The following NXPE2 variants were observed in gnomAD, a reference collection of about 807,000 sequenced individuals.
NXPE2 encodes the protein neurexophilin and PC-esterase domain family member 2, also known as NXPE family member 2.
Under a neutral mutation model 34.4 loss-of-function variants are expected in NXPE2, and 34 were observed. The ratio of observed to expected loss-of-function variants is 0.99; its 90% CI spans 0.75 to 1.31. The LOEUF is 1.31. Among genes scored for constraint, NXPE2 ranks in the 40% most tolerant of loss-of-function variants. The probability of loss-of-function intolerance (pLI) is 0.00; values close to 1 mark genes in which losing one functional copy is unlikely to be tolerated. For missense variants in NXPE2, 649 were observed against 672.5 expected (o/e 0.97, Z 0.39); for synonymous variants, 235 against 231.3 (o/e 1.02, Z -0.15).
chr11:114,718,064 G>T, the NXPE2 span, among the ~76,000 whole-genome samples: 1 of 152,090 alleles, frequency 6.6e-6, no homozygotes, highest in African/African-American at 2.4e-5. Flanking sequence ...AGTCTATAGA[G>T]CAACTCAATA....
the NXPE2 span, among the ~76,000 whole-genome samples, chr11:114,612,167 A>G: frequency 2.0e-5 from 3 of 151,944 alleles, no homozygotes; most frequent in Non-Finnish European, 4.4e-5. Context: ...CCAGTGGATA[A>G]TAAGTGTTGC....
At chr11:114,810,633 A>G in the NXPE2 span, among the ~76,000 whole-genome samples, 6 of 151,938 alleles carry the variant, frequency 3.9e-5, no homozygotes, top group Non-Finnish European at 7.4e-5. Flanking sequence ...CAAAACCACA[A>G]TGAGATACCA....
At chr11:114,534,867 A>T in the NXPE2 span, among the ~76,000 whole-genome samples, 1 of 152,242 alleles carries the variant, frequency 6.6e-6, no homozygotes, top group Non-Finnish European at 1.5e-5. Flanking sequence ...GCAGGATATT[A>T]TCCAGGAGAA....
At chr11:114,685,078 A>G (rs571027018) in intron 2 of NXPE2, among the ~76,000 whole-genome samples, 2 of 152,316 alleles carry the variant, frequency 1.3e-5, no homozygotes, top group Admixed American at 1.3e-4. Flanking sequence ...AATTGGTGAT[A>G]GTTGGTCAGA....
At chr11:114,498,795 A>G in the NXPE2 span, among the ~76,000 whole-genome samples, 1 of 151,996 alleles carries the variant, frequency 6.6e-6, no homozygotes, top group Non-Finnish European at 1.5e-5. Flanking sequence ...TTAACATGCT[A>G]GTGGATTAGC....
chr11:114,479,023 T>C, the NXPE2 span, among the ~76,000 whole-genome samples: 1 of 152,096 alleles, frequency 6.6e-6, no homozygotes, highest in African/African-American at 2.4e-5. Context: ...GATAATATTG[T>C]GAAATGTCCT....
the NXPE2 span, among the ~76,000 whole-genome samples, chr11:114,713,978 T>C: frequency 0.91 from 139,341 of 152,306 alleles, 63,773 homozygotes; most frequent in East Asian, 0.93. Flanking sequence ...ATGCCAGGAA[T>C]GTATTCTTGC....
At chr11:114,607,635 G>A in the NXPE2 span, among the ~76,000 whole-genome samples, 1 of 151,712 alleles carries the variant, frequency 6.6e-6, no homozygotes, top group Non-Finnish European at 1.5e-5. Flanking sequence ...GATAAGTGTT[G>A]CCTCGCGGTT....
chr11:114,734,335 T>A, the NXPE2 span, among the ~76,000 whole-genome samples: 14 of 152,348 alleles, frequency 9.2e-5, no homozygotes, highest in East Asian at 2.7e-3. Context: ...ATTTGCTATA[T>A]GTCTTAGAAA....
the NXPE2 span, among the ~76,000 whole-genome samples, chr11:114,537,962 C>T: frequency 6.6e-6 from 1 of 152,202 alleles, no homozygotes; most frequent in Non-Finnish European, 1.5e-5. Context: ...AAAAAGCCCA[C>T]ATTGCCAAGT....
At chr11:114,507,759 A>T in the NXPE2 span, among the ~76,000 whole-genome samples, 2 of 152,108 alleles carry the variant, frequency 1.3e-5, no homozygotes, top group Non-Finnish European at 2.9e-5. Flanking sequence ...AATAAGAGCC[A>T]TATATGACAA....
the NXPE2 span, among the ~76,000 whole-genome samples, chr11:114,536,551 G>A: frequency 1.3e-5 from 2 of 151,952 alleles, no homozygotes; most frequent in Non-Finnish European, 2.9e-5. Flanking sequence ...TAATAAAGAA[G>A]AAAAGAGAGA....
chr11:114,807,660 C>A, the NXPE2 span, among the ~76,000 whole-genome samples: 2 of 151,290 alleles, frequency 1.3e-5, no homozygotes, highest in Non-Finnish European at 2.9e-5. Context: ...AATATATATG[C>A]AACCAATACA....
At chr11:114,600,251 C>G in the NXPE2 span, among the ~76,000 whole-genome samples, 1 of 152,114 alleles carries the variant, frequency 6.6e-6, no homozygotes, top group Admixed American at 6.6e-5. Flanking sequence ...TTAACATAAC[C>G]AGTAAGAAGA....
the NXPE2 span, among the ~76,000 whole-genome samples, chr11:114,627,932 T>C: frequency 2.3e-3 from 336 of 148,952 alleles, 1 homozygote; most frequent in African/African-American, 6.4e-3. Context: ...AAGGCCATTA[T>C]TTAATGGTAA....
At chr11:114,744,726 C>G in the NXPE2 span, among the ~76,000 whole-genome samples, 15 of 152,254 alleles carry the variant, frequency 9.9e-5, no homozygotes, top group Admixed American at 7.8e-4. Flanking sequence ...GGGAAGATCT[C>G]TTGAGCCCAG....
the NXPE2 span, among the ~76,000 whole-genome samples, chr11:114,754,196 G>C: frequency 2.6e-5 from 4 of 152,086 alleles, no homozygotes; most frequent in African/African-American, 7.2e-5. Flanking sequence ...GCAAGTGTTT[G>C]GTGGGTTTGG....
the NXPE2 span, among the ~76,000 whole-genome samples, chr11:114,611,939 A>T: frequency 6.6e-6 from 1 of 151,972 alleles, no homozygotes; most frequent in African/African-American, 2.4e-5. Flanking sequence ...GTGGGTAACC[A>T]CTGTTACCTG....
the NXPE2 span, among the ~76,000 whole-genome samples, chr11:114,629,762 C>A: frequency 1.3e-5 from 2 of 151,028 alleles, no homozygotes; most frequent in African/African-American, 4.9e-5. Flanking sequence ...GATTGTATAT[C>A]TAGAAAACCC....
Sources: allele counts gnomAD v4.1 joint callset (sites outside exome capture counted in the v4.1 genomes callset), GRCh38; gene constraint gnomAD v4.1.1; transcripts MANE v1.5; gene names NCBI Gene and HGNC (gene_info 2026-07-23, HGNC 2026-07-21).